LRRC20: variants seen among roughly 807,000 people sequenced by gnomAD.
LRRC20 encodes leucine-rich repeat-containing protein 20.
In LRRC20, 11 loss-of-function variants were observed where a neutral mutation model predicts 14.4. The ratio of observed to expected loss-of-function variants is 0.77; its 90% confidence interval spans 0.48 to 1.27. The LOEUF is 1.27. LRRC20 is among the 50% of genes most tolerant of loss of function. The pLI, the probability that LRRC20 is intolerant of heterozygous loss-of-function variation, is 0.00. For synonymous variants in LRRC20, 121 were observed against 107.3 expected, an observed-to-expected ratio of 1.13 and a Z score of -0.79; for missense variants, 219 against 251.2, an observed-to-expected ratio of 0.87 and a Z score of 0.87.
intron 3 of LRRC20, among the ~76,000 whole-genome samples, chr10:70,336,020 C>G (rs1218502796): frequency 6.6e-6 from 1 of 152,206 alleles, no homozygotes; most frequent in Non-Finnish European, 1.5e-5. Flanking sequence ...AAACCTGCCT[C>G]CCCTGCAAGA....
At chr10:70,311,784 A>C (rs1246220866) in intron 4 of LRRC20, among the ~76,000 whole-genome samples, 1 of 152,122 alleles carries the variant, frequency 6.6e-6, no homozygotes, top group East Asian at 1.9e-4. Flanking sequence ...AGCAGAATTA[A>C]ACTATGCACT....
At chr10:70,355,632 CA>C (rs1173834043) in intron 2 of LRRC20, among the ~76,000 whole-genome samples, 1 of 152,196 alleles carries the variant, frequency 6.6e-6, no homozygotes, top group Non-Finnish European at 1.5e-5. Context: ...CTTCCTATTT[CA>C]TGGACTTGTA....
At chr10:70,318,632 T>C (rs990568139) in intron 4 of LRRC20, among the ~76,000 whole-genome samples, 2 of 151,778 alleles carry the variant, frequency 1.3e-5, no homozygotes, top group African/African-American at 4.8e-5. Context: ...TGTGCACCTG[T>C]GGTTCCAGGT....
intron 3 of LRRC20, among the ~76,000 whole-genome samples, chr10:70,338,413 A>G (rs1014758191): frequency 1.3e-5 from 2 of 152,190 alleles, no homozygotes; most frequent in African/African-American, 4.8e-5. Flanking sequence ...CATTTCATGT[A>G]TTTCTTTCTC....
intron 4 of LRRC20, among the ~76,000 whole-genome samples, chr10:70,319,187 A>AAAG (rs1554837450): frequency 3.0e-4 from 46 of 151,380 alleles, no homozygotes; most frequent in African/African-American, 1.1e-3. Flanking sequence ...AAAAAAAAAA[A>AAAG]AAAGAAAGAA....
chr10:70,304,496 ATATATATATATT>A (rs1271271910), intron 4 of LRRC20, among the ~76,000 whole-genome samples: 12 of 106,808 alleles, frequency 1.1e-4, no homozygotes, highest in African/African-American at 4.6e-4. Flanking sequence ...ATATATATAT[ATATATATATATT>A]TTACTAAGCA....
chr10:70,299,750 G>C lies in LRRC20; in HGVS notation c.*1604C>G, dbSNP rs10762360. On this transcript the variant is annotated 3_prime_UTR_variant, in exon 5 of 5. Transcript: ENST00000446961. ...CACAGATGAACTCGGTAGCTCTGGA[G>C]ATCCTGTCTTGACCTCCTCATCCTG... The C allele has an allele frequency of 0.7, 106,811 of 152,842 alleles. 37,733 individuals are homozygous for C. The highest frequency in any genetic ancestry group is 0.75 in the Non-Finnish European group (51,375 of 68,640). 9.5% of individuals were successfully genotyped at this position (152,842 alleles called of 1,614,324 possible).
intron 2 of LRRC20, among the ~76,000 whole-genome samples, chr10:70,369,953 G>A (rs1408084830): frequency 6.6e-6 from 1 of 152,040 alleles, no homozygotes; most frequent in Non-Finnish European, 1.5e-5. Context: ...GGTGGCAGGT[G>A]CCCAGCTAAT....
At chr10:70,375,472 T>C (rs1455098840) in intron 2 of LRRC20, among the ~76,000 whole-genome samples, 1 of 12,578 alleles carries the variant, frequency 8.0e-5, no homozygotes, top group African/African-American at 1.2e-4. Flanking sequence ...CTCCACTTCC[T>C]GGACCACCTC....
intron 2 of LRRC20, among the ~76,000 whole-genome samples, chr10:70,361,706 C>A (rs897082115): frequency 6.6e-6 from 1 of 152,016 alleles, no homozygotes; most frequent in Non-Finnish European, 1.5e-5. Flanking sequence ...TTGGCTCCCT[C>A]CCCCACCCTC....
intron 2 of LRRC20, among the ~76,000 whole-genome samples, chr10:70,341,900 T>C (rs565341693): frequency 6.6e-6 from 1 of 152,316 alleles, no homozygotes; most frequent in South Asian, 2.1e-4. Flanking sequence ...ACAGTTTCAT[T>C]ATATGAAATG....
chr10:70,323,838 G>C, intron 4 of LRRC20, 25 bp downstream of exon 4: 1 of 1,613,354 alleles, frequency 6.2e-7, no homozygotes, highest in South Asian at 1.1e-5. Context: ...AGCAGCCCAG[G>C]GCCAGGTGGG....
chr10:70,340,051 G>A (rs560231903), intron 3 of LRRC20, among the ~76,000 whole-genome samples: 5 of 151,358 alleles, frequency 3.3e-5, no homozygotes, highest in African/African-American at 4.9e-5. Context: ...AACCTGGGAG[G>A]TGGAGGCTGC....
intron 4 of LRRC20, among the ~76,000 whole-genome samples, chr10:70,310,497 C>T (rs951743560): frequency 6.6e-5 from 10 of 152,190 alleles, no homozygotes; most frequent in African/African-American, 2.4e-4. Flanking sequence ...TTGCCACTCC[C>T]CTGCATCCCC....
intron 3 of LRRC20, among the ~76,000 whole-genome samples, chr10:70,326,427 C>T (rs1002839628): frequency 2.0e-5 from 3 of 152,126 alleles, no homozygotes; most frequent in East Asian, 1.9e-4. Context: ...TTTGTCCCTA[C>T]ATCCAGCCTC....
intron 2 of LRRC20, among the ~76,000 whole-genome samples, chr10:70,347,855 A>C (rs7100300): frequency 0.53 from 79,265 of 150,044 alleles, 22,384 homozygotes; most frequent in Non-Finnish European, 0.62. Context: ...CACACACACA[A>C]AAAACAAGCA....
At chr10:70,364,599 ACACCCAGCAACAGCT>A (rs146266242) in intron 2 of LRRC20, among the ~76,000 whole-genome samples, 1 of 152,130 alleles carries the variant, frequency 6.6e-6, no homozygotes, top group South Asian at 2.1e-4. Flanking sequence ...CTTGGTCAGA[ACACCCAGCAACAGCT>A]CACCCAGCAA....
intron 4 of LRRC20, among the ~76,000 whole-genome samples, chr10:70,320,249 T>C (rs914997044): frequency 2.0e-5 from 3 of 152,050 alleles, no homozygotes; most frequent in African/African-American, 7.2e-5. Context: ...TCAATATTTT[T>C]TCGTCATGAC....
chr10:70,353,193 T>G (rs1356667804), intron 2 of LRRC20, among the ~76,000 whole-genome samples: 1 of 152,132 alleles, frequency 6.6e-6, no homozygotes, highest in Non-Finnish European at 1.5e-5. Flanking sequence ...TATAAATAGG[T>G]CACTACTATG....
Sources: gnomAD v4.1 joint callset for allele counts (sites outside exome capture counted in the v4.1 genomes callset) on GRCh38, gnomAD v4.1.1 for gene constraint, MANE v1.5 for transcripts, NCBI Gene and HGNC (gene_info 2026-07-23, HGNC 2026-07-21) for gene names.